AREL1: variants seen among roughly 807,000 people sequenced by gnomAD.
The protein encoded by AREL1 is apoptosis resistant E3 ubiquitin protein ligase 1, also known as apoptosis-resistant E3 ubiquitin protein ligase 1.
In AREL1, 62 loss-of-function variants were observed where a neutral mutation model predicts 99.0. The observed-to-expected ratio is 0.63, with a 90% CI of 0.51 to 0.77. AREL1 has a LOEUF of 0.77. AREL1 is among the 30% of genes least tolerant of loss of function. The pLI is 0.00. For synonymous variants in AREL1, 380 were observed against 376.5 expected (o/e 1.01, Z -0.11); for missense variants, 879 against 1,027.6 (o/e 0.86, Z 1.98).
At chr14:74,682,586 G>C (rs991788822) in intron 5 of AREL1, among the ~76,000 whole-genome samples, 2 of 152,206 alleles carry the variant, frequency 1.3e-5, no homozygotes, top group African/African-American at 4.8e-5. Context: ...GACTGAATCT[G>C]GTTTAGATAT....
At chr14:74,684,351 G>A (rs1017289088) in intron 4 of AREL1, 103 bp downstream of exon 4, 32 of 1,055,622 alleles carry the variant, frequency 3.0e-5, no homozygotes, top group Non-Finnish European at 4.3e-5. Flanking sequence ...GGAGGGAGTT[G>A]AAAAACAAGA....
intron 1 of AREL1, among the ~76,000 whole-genome samples, chr14:74,695,489 C>T (rs1158189008): frequency 6.6e-6 from 1 of 152,098 alleles, no homozygotes; most frequent in African/African-American, 2.4e-5. Flanking sequence ...TTTACTATCC[C>T]TACCGTGAGC....
At chr14:74,681,846 T>A (rs981688519) in intron 5 of AREL1, among the ~76,000 whole-genome samples, 2 of 150,722 alleles carry the variant, frequency 1.3e-5, no homozygotes, top group Non-Finnish European at 3.0e-5. Context: ...ACATAAGGGA[T>A]CCTTGTGATG....
chr14:74,669,198 A>G (rs568397492), intron 15 of AREL1, among the ~76,000 whole-genome samples: 1 of 152,338 alleles, frequency 6.6e-6, no homozygotes, highest in African/African-American at 2.4e-5. Context: ...GCCCAGCCAA[A>G]AAGTTTAAAA....
intron 1 of AREL1, among the ~76,000 whole-genome samples, chr14:74,692,997 A>C (rs957981999): frequency 6.6e-6 from 1 of 151,814 alleles, no homozygotes; most frequent in Non-Finnish European, 1.5e-5. Context: ...GTGTGAGTCC[A>C]TTCTTCAGTA....
rs1212098099 is a variant in AREL1, at chr14:74,686,788, T to C, written c.-45-1128A>G. ...ACCGTCAAAAGTTTCATACAAATCC[T>C]ACTTAGAGTGATTATCTAAAGTCCT... On this transcript the variant is annotated intron_variant, in intron 2 of 19. Transcript: ENST00000356357. Among the ~76,000 whole-genome samples the C allele has an allele frequency of 2.6e-5, 4 of 152,340 alleles. No homozygotes were observed. In the East Asian group the frequency reaches 7.7e-4, roughly 29 times the overall value.
chr14:74,666,811 C>T (rs1156335753), intron 17 of AREL1, among the ~76,000 whole-genome samples: 4 of 151,548 alleles, frequency 2.6e-5, no homozygotes, highest in African/African-American at 4.9e-5. Context: ...CTTCCGCCTC[C>T]GGGGTTCAAG....
At chr14:74,679,285 T>TA (rs1189306558) in intron 5 of AREL1, among the ~76,000 whole-genome samples, 1 of 151,874 alleles carries the variant, frequency 6.6e-6, no homozygotes, top group Non-Finnish European at 1.5e-5. Flanking sequence ...TAGCCAGGTG[T>TA]GGTGGCACAT....
Position 74,661,613 on chromosome 14 carries a change from A to AC in AREL1, c.*2106_*2107insG, listed in dbSNP as rs869205644. Reference sequence around the variant, plus strand: ...GTATGAAAGCAGGATTAGAAAAAAAAAAAACAAAACAGTAAAAGAAAAGGC... The same window carrying AC: ...GTATGAAAGCAGGATTAGAAAAAAAACAAAACAAAACAGTAAAAGAAAAGGC... On this transcript the variant is annotated 3_prime_UTR_variant, in exon 20 of 20. Transcript: ENST00000356357. 9.3e-5 allele frequency: 17 copies of AC among 183,244 alleles called. No homozygotes were observed. Among genetic ancestry groups the AC allele is most frequent in the African/African-American group, 1.4e-4 (6 of 41,884 alleles). 11.4% of individuals were successfully genotyped at this position (183,244 alleles called of 1,614,324 possible).
At chr14:74,704,702 G>A (rs1052028701) in intron 1 of AREL1, among the ~76,000 whole-genome samples, 3 of 151,990 alleles carry the variant, frequency 2.0e-5, no homozygotes, top group Non-Finnish European at 4.4e-5. Context: ...TCTGTGGCTT[G>A]CCTCTTCATT....
At chr14:74,687,801 C>A (rs2089780294) in intron 2 of AREL1, among the ~76,000 whole-genome samples, 1 of 152,104 alleles carries the variant, frequency 6.6e-6, no homozygotes, top group African/African-American at 2.4e-5. Context: ...ATCACTACTC[C>A]TTTACTTCAA....
rs1267491211 is a variant in AREL1 at position 74,663,265 on chromosome 14, C to A, written c.*455G>T. On this transcript the variant is annotated 3_prime_UTR_variant, in exon 20 of 20. Coordinates refer to ENST00000356357, the MANE Select transcript of AREL1 (RefSeq NM_001039479.2). The stretch of plus-strand genomic sequence containing the variant: ...CTCCTGATGAGAAGAGGCAATCACC[C>A]CACCCATGAGAAGGACTCAAGTACC... The A allele has an allele frequency of 4.0e-5, 9 of 226,650 alleles. No homozygotes were observed. The highest frequency in any genetic ancestry group is 8.9e-5 in the African/African-American group (4 of 45,136). 14.0% of individuals were successfully genotyped at this position (226,650 alleles called of 1,614,324 possible).
chr14:74,705,142 C>T (rs907928584), intron 1 of AREL1, among the ~76,000 whole-genome samples: 3 of 152,028 alleles, frequency 2.0e-5, no homozygotes, highest in East Asian at 3.9e-4. Context: ...CAGGTTCAAG[C>T]GATTCTCCTG....
chr14:74,676,402 C>A, intron 6 of AREL1, 81 bp from the exon 7 acceptor site: 1 of 1,508,050 alleles, frequency 6.6e-7, no homozygotes, highest in South Asian at 1.3e-5. Flanking sequence ...AAAGAGCTTT[C>A]CTATCTATGA....
chr14:74,663,210 C>A lies in AREL1; in HGVS notation c.*510G>T. On this transcript the variant is annotated 3_prime_UTR_variant, in exon 20 of 20. Transcript: ENST00000356357. ...TGTGCAGCGGGACTGCTCCTATGGG[C>A]CACCTCCTATCTGTCCCCCTCTCTC... The A allele has an allele frequency of 5.1e-6, 1 of 194,374 alleles. No individual in the cohort carries two copies. Among genetic ancestry groups the A allele is most frequent in the South Asian group, 1.1e-4 (1 of 8,986 alleles). The allele number at this position is 194,374 out of a possible 1,614,324, so 12.0% of individuals were successfully genotyped here. A position where few individuals can be genotyped will look rare whatever the true frequency, so the allele number is the denominator to read the frequency against.
intron 12 of AREL1, 106 bp from the exon 13 acceptor site, chr14:74,670,977 A>T: frequency 2.4e-6 from 2 of 816,902 alleles, no homozygotes; most frequent in Non-Finnish European, 3.9e-6. Flanking sequence ...CTATTGTACT[A>T]CTCTGGTGTT....
At chr14:74,669,565 C>T in intron 15 of AREL1, 84 bp downstream of exon 15, 2 of 1,498,534 alleles carry the variant, frequency 1.3e-6, no homozygotes, top group Non-Finnish European at 1.8e-6. Flanking sequence ...AACATTTCCA[C>T]CACTGCAGAA....
intron 5 of AREL1, 78 bp from the exon 6 acceptor site, chr14:74,676,830 T>A (rs2089491752): frequency 1.7e-6 from 2 of 1,198,866 alleles, no homozygotes; most frequent in African/African-American, 3.2e-5. Flanking sequence ...GGAGTCTCGC[T>A]CTTTCGCCCA....
intron 1 of AREL1, among the ~76,000 whole-genome samples, chr14:74,704,393 A>G (rs2090138781): frequency 6.6e-6 from 1 of 152,222 alleles, no homozygotes; most frequent in Admixed American, 6.5e-5. Flanking sequence ...ACATCAATCA[A>G]GATGTATACT....
Sources: allele counts gnomAD v4.1 joint callset (sites outside exome capture counted in the v4.1 genomes callset), GRCh38; gene constraint gnomAD v4.1.1; transcripts MANE v1.5; gene names NCBI Gene and HGNC (gene_info 2026-07-23, HGNC 2026-07-21).